C20orf96: variants seen among roughly 807,000 people sequenced by gnomAD.
C20orf96 encodes the protein chromosome 20 open reading frame 96, also known as uncharacterized protein C20orf96.
A neutral mutation model predicts 52.6 loss-of-function variants in C20orf96; 57 were observed. The observed-to-expected ratio is 1.08, with a 90% CI of 0.88 to 1.35. The LOEUF (loss-of-function observed/expected upper bound fraction) is 1.35. Ranked by LOEUF, C20orf96 falls within the 40% of genes most tolerant of loss-of-function variation. The pLI, the probability that C20orf96 is intolerant of heterozygous loss-of-function variation, is 0.00. For synonymous variants in C20orf96, 168 were observed against 157.2 expected, an observed-to-expected ratio of 1.07 and a Z score of -0.51; for missense variants, 478 against 443.6, an observed-to-expected ratio of 1.08 and a Z score of -0.70.
chr20:279,781 C>T (rs2012202462), intron 4 of C20orf96, among the ~76,000 whole-genome samples: 1 of 152,044 alleles, frequency 6.6e-6, no homozygotes. Context: ...ACCAGCCTGA[C>T]CAACATGGTG....
In C20orf96 at chr20:270,963, G is replaced by A; in HGVS notation, c.*244C>T. 2.0e-6 allele frequency: 1 copy of A among 509,006 alleles called. No individual in the cohort carries two copies. The highest frequency in any genetic ancestry group is 3.4e-6 in the Non-Finnish European group (1 of 290,602). The allele number at this position is 509,006 out of a possible 1,614,324, so 31.5% of individuals were successfully genotyped here. A position where few individuals can be genotyped will look rare whatever the true frequency, so the allele number is the denominator to read the frequency against. On this transcript the variant is annotated 3_prime_UTR_variant, in exon 11 of 11. Coordinates refer to ENST00000360321, the MANE Select transcript of C20orf96 (RefSeq NM_153269.3). ...ACCAACCAGAAAGAAGGGAAGAAGA[G>A]AGGAAAAAACCACAGGAAGAAAGAA...
intron 9 of C20orf96, chr20:276,561 G>A: frequency 1.0e-6 from 1 of 985,436 alleles, no homozygotes; most frequent in South Asian, 4.7e-5. Context: ...GGTTGTAAAT[G>A]GGTCATTAGC....
intron 3 of C20orf96, among the ~76,000 whole-genome samples, chr20:285,883 A>G (rs904447371): frequency 6.6e-6 from 1 of 152,128 alleles, no homozygotes; most frequent in Non-Finnish European, 1.5e-5. Context: ...CAGATTACCC[A>G]TATTTAGAAG....
At chr20:287,291 G>A (rs551376404) in intron 3 of C20orf96, among the ~76,000 whole-genome samples, 40 of 152,300 alleles carry the variant, frequency 2.6e-4, no homozygotes, top group African/African-American at 9.4e-4. Context: ...ACCAGCAATT[G>A]CGCACAATCT....
chr20:270,982 G>A lies in C20orf96; in HGVS notation c.*225C>T. On this transcript the variant is annotated 3_prime_UTR_variant, in exon 11 of 11. Transcript: ENST00000360321. ...AGAAGAGAGGAAAAAACCACAGGAA[G>A]AAAGAAAGGAGGGAGGGAGGGAGAG... The A allele has an allele frequency of 2.0e-6, 1 of 512,090 alleles. No homozygotes were observed. Among genetic ancestry groups the A allele is most frequent in the Non-Finnish European group, 3.4e-6 (1 of 297,160 alleles). 31.7% of individuals were successfully genotyped at this position (512,090 alleles called of 1,614,324 possible).
chr20:279,241 G>T lies in C20orf96; in HGVS notation c.396C>A (p.Thr132=). 4 of 1,611,082 alleles carry T rather than the reference G, an allele frequency of 2.5e-6. No individual in the cohort carries two copies. Among genetic ancestry groups the T allele is most frequent in the African/African-American group, 1.3e-5 (1 of 74,830 alleles). ...LSKLNRELIE[T]IQEMENSTTL... is the part of the protein sequence containing the mutation. ...TCGTGCTGTTCTCCATCTCCTGGAT[G>T]GTCTCGATCAGCTCCCGGTTGAGCT... Residue 132 remains threonine (T), a synonymous_variant, in exon 5 of 11, where the codon ACC becomes ACA. Coordinates refer to ENST00000360321, the MANE Select transcript of C20orf96 (RefSeq NM_153269.3).
At chr20:285,575 T>C (rs986823494) in intron 3 of C20orf96, among the ~76,000 whole-genome samples, 1 of 152,164 alleles carries the variant, frequency 6.6e-6, no homozygotes, top group Admixed American at 6.6e-5. Flanking sequence ...GGGATTTTGA[T>C]TTAGATTTAA....
chr20:289,073 T>C (rs2012469203), intron 3 of C20orf96, among the ~76,000 whole-genome samples: 2 of 152,212 alleles, frequency 1.3e-5, no homozygotes, highest in African/African-American at 2.4e-5. Flanking sequence ...CTTGTTTTCT[T>C]TTCCTCCTGG....
At chr20:289,047 T>C (rs944512963) in intron 3 of C20orf96, among the ~76,000 whole-genome samples, 6 of 152,194 alleles carry the variant, frequency 3.9e-5, no homozygotes, top group Non-Finnish European at 5.9e-5. Flanking sequence ...GAGTTTATTC[T>C]ACGATTTCAC....
At chr20:279,449 C>G (rs897450697) in intron 4 of C20orf96, 119 bp from the exon 5 acceptor site, 2 of 1,147,096 alleles carry the variant, frequency 1.7e-6, no homozygotes, top group South Asian at 3.4e-5. Context: ...CGGCCTCCTG[C>G]TGGTAAACGC....
intron 4 of C20orf96, 66 bp from the exon 5 acceptor site, chr20:279,396 C>T (rs1052489483): frequency 9.3e-5 from 139 of 1,499,908 alleles, no homozygotes; most frequent in Non-Finnish European, 1.1e-4. Flanking sequence ...CCCGAAAGCC[C>T]GTGGACCCGC....
At chr20:273,423 G>C (rs575036042) in intron 10 of C20orf96, among the ~76,000 whole-genome samples, 2 of 152,152 alleles carry the variant, frequency 1.3e-5, no homozygotes, top group African/African-American at 4.8e-5. Context: ...CTCCCTTCCC[G>C]CCACTCTCCC....
At position 290,669 on chromosome 20, in the gene C20orf96, C is replaced by T. The variant is rs933032994; in HGVS notation, c.-59G>A. 1 of 1,595,514 alleles carries T rather than the reference C, an allele frequency of 6.3e-7. No individual in the cohort carries two copies. Among genetic ancestry groups the T allele is most frequent in the Non-Finnish European group, 8.6e-7 (1 of 1,169,478 alleles). On this transcript the variant is annotated 5_prime_UTR_variant, in exon 1 of 11. Coordinates refer to ENST00000360321, the MANE Select transcript of C20orf96 (RefSeq NM_153269.3). ...AGACCCTGATCTTCTGGTATAACTA[C>T]TCGGCTTTTCCAACTTCCTTGTCTC...
In C20orf96 at chr20:279,066, G is replaced by C. The variant is rs532348429; in HGVS notation, c.465+106C>G. Reference sequence around the variant, plus strand: ...AGGGCGGGAGGGCGGGACGGAGGGAGGGAGGGAGGGAGGGACGGAGGGCGG... The same window carrying C: ...AGGGCGGGAGGGCGGGACGGAGGGACGGAGGGAGGGAGGGACGGAGGGCGG... On this transcript the variant is annotated intron_variant, in intron 5 of 10. Transcript: ENST00000360321. The C allele has an allele frequency of 3.0e-4, 143 of 477,742 alleles. 4 individuals carry two copies. The highest frequency in any genetic ancestry group is 5.9e-4 in the South Asian group (18 of 30,530). The allele number at this position is 477,742 out of a possible 1,614,324, so 29.6% of individuals were successfully genotyped here. A position where few individuals can be genotyped will look rare whatever the true frequency, so the allele number is the denominator to read the frequency against.
At chr20:284,319 C>A (rs898251810) in intron 3 of C20orf96, among the ~76,000 whole-genome samples, 1 of 152,220 alleles carries the variant, frequency 6.6e-6, no homozygotes, top group African/African-American at 2.4e-5. Flanking sequence ...TAACTATGGA[C>A]ATGGACAGAG....
intron 3 of C20orf96, among the ~76,000 whole-genome samples, chr20:285,144 A>G (rs1221023292): frequency 6.6e-6 from 1 of 152,162 alleles, no homozygotes; most frequent in Non-Finnish European, 1.5e-5. Context: ...ACACCAGACG[A>G]AGGCACAGCA....
chr20:284,262 G>T (rs191832824), intron 3 of C20orf96, among the ~76,000 whole-genome samples, 181 bp from the exon 4 acceptor site: 421 of 152,328 alleles, frequency 2.8e-3, no homozygotes, highest in African/African-American at 9.5e-3. Context: ...TCCCAGGACA[G>T]ACTCTGGGCC....
chr20:276,336 G>A (rs183390193), intron 9 of C20orf96: 20 of 985,260 alleles, frequency 2.0e-5, no homozygotes, highest in South Asian at 4.7e-5. Flanking sequence ...ACAAAGTGGC[G>A]GGGAATGCTC....
Position 275,949 on chromosome 20 carries a change from T to C in C20orf96, c.1031+19A>G, listed in dbSNP as rs1428816395. 4.4e-6 allele frequency: 7 copies of C among 1,608,508 alleles called. No individual in the cohort carries two copies. The East Asian group carries it at 8.9e-5, about 20-fold the overall frequency. On this transcript the variant is annotated intron_variant, in intron 10 of 10. Transcript: ENST00000360321. ...AGAGTGTGACTGGTTTAAGAGGCAGTGGCAAAAAGATCACATACTTGGGTC... is the reference window on the plus strand; with the variant it reads ...AGAGTGTGACTGGTTTAAGAGGCAGCGGCAAAAAGATCACATACTTGGGTC...
Sources: gnomAD v4.1 joint callset for allele counts (sites outside exome capture counted in the v4.1 genomes callset) on GRCh38, gnomAD v4.1.1 for gene constraint, MANE v1.5 for transcripts, NCBI Gene and HGNC (gene_info 2026-07-23, HGNC 2026-07-21) for gene names.